The following SPHKAP variants were observed in gnomAD, a reference collection of about 807,000 sequenced individuals.
SPHKAP encodes SPHK1 interactor, AKAP domain containing.
In SPHKAP, 67 loss-of-function variants were observed where a neutral mutation model predicts 137.5. That is an observed-to-expected ratio of 0.49 (90% CI 0.40 to 0.60). The LOEUF (loss-of-function observed/expected upper bound fraction) is 0.60. SPHKAP is among the 20% of genes least tolerant of loss of function. The pLI, the probability that SPHKAP is intolerant of heterozygous loss-of-function variation, is 0.00. For missense variants in SPHKAP, 2,097 were observed against 2,069.3 expected (o/e 1.01, Z -0.26); for synonymous variants, 813 against 785.3 (o/e 1.04, Z -0.59).
chr2:228,159,519 A>C (rs1700212194), intron 1 of SPHKAP, among the ~76,000 whole-genome samples: 1 of 152,170 alleles, frequency 6.6e-6, no homozygotes, highest in Non-Finnish European at 1.5e-5. Flanking sequence ...GCATGTTTGC[A>C]TTTCAAGGAG....
intron 7 of SPHKAP, among the ~76,000 whole-genome samples, chr2:228,006,953 C>A (rs2396521): frequency 6.6e-6 from 1 of 152,026 alleles, no homozygotes; most frequent in Non-Finnish European, 1.5e-5. Flanking sequence ...TCCCCTACTG[C>A]GGGATGCCTC....
chr2:228,016,698 A>G lies in SPHKAP; in HGVS notation c.4156T>C (p.Ser1386Pro). 4 of 1,614,104 alleles carry G rather than the reference A, an allele frequency of 2.5e-6. No individual in the cohort carries two copies. The highest frequency in any genetic ancestry group is 3.4e-6 in the Non-Finnish European group (4 of 1,180,026). The part of the protein sequence containing the change: ...VTECKQPPVS[S>P]LSKTASLTNH... ...GTAAGAGAAGCAGTTTTGCTCAAAGATGACACTGGGGGCTGTTTACATTCG... is the reference window on the plus strand; with the variant it reads ...GTAAGAGAAGCAGTTTTGCTCAAAGGTGACACTGGGGGCTGTTTACATTCG... The change falls in exon 7 of 12, where the codon TCT becomes CCT. Residue 1386 changes from serine (S) to proline (P), a missense_variant. Coordinates refer to ENST00000392056, the MANE Select transcript of SPHKAP (RefSeq NM_001142644.2).
At position 228,003,049 on chromosome 2, in the gene SPHKAP, G is replaced by A. The variant is rs1350781270; in HGVS notation, c.4449-7355C>T. Among the ~76,000 whole-genome samples the A allele has an allele frequency of 5.3e-5, 8 of 152,104 alleles. No homozygotes were observed. In the East Asian group the frequency reaches 5.8e-4, roughly 11 times the overall value. On this transcript the variant is annotated intron_variant, in intron 7 of 11. Coordinates refer to ENST00000392056, the MANE Select transcript of SPHKAP (RefSeq NM_001142644.2). Reference sequence around the variant, plus strand: ...TGGCTTAGGATTGACTTGGCAATGCGGGCTCTTTTTTGGTTCCATGTGAAC... The same window carrying A: ...TGGCTTAGGATTGACTTGGCAATGCAGGCTCTTTTTTGGTTCCATGTGAAC...
rs188759977 is a variant in SPHKAP at position 228,005,508 on chromosome 2, G to T, written c.4449-9814C>A. ...TGGGTCTTGACTCTTTATCCAATTT[G>T]CCAGTCTGTGTCTTTTAATTGGAGC... On this transcript the variant is annotated intron_variant, in intron 7 of 11. Transcript: ENST00000392056. 9.4e-3 allele frequency among the ~76,000 whole-genome samples: 1,424 copies of T among 152,196 alleles called. 49 individuals are homozygous for T. Among genetic ancestry groups the T allele is most frequent in the Admixed American group, 0.06 (913 of 15,288 alleles).
chr2:228,028,685 G>T lies in SPHKAP; in HGVS notation c.247-1142C>A, dbSNP rs546529978. ...CATGCTGTACAGGTTTATAGCCTAG[G>T]AGTAATAGGTTATACCATATAACCT... On this transcript the variant is annotated intron_variant, in intron 3 of 11. Coordinates refer to ENST00000392056, the MANE Select transcript of SPHKAP (RefSeq NM_001142644.2). Among the ~76,000 whole-genome samples, 5 of 152,286 alleles carry T rather than the reference G, an allele frequency of 3.3e-5. No homozygotes were observed. In the South Asian group the frequency reaches 1.0e-3, roughly 32 times the overall value.
At chr2:228,137,067 C>T (rs1398955385) in intron 1 of SPHKAP, among the ~76,000 whole-genome samples, 5 of 152,128 alleles carry the variant, frequency 3.3e-5, no homozygotes, top group Admixed American at 6.5e-5. Flanking sequence ...GCTCCTGCCT[C>T]GTTCCCACCC....
rs1697759232 is a variant in SPHKAP at position 228,092,091 on chromosome 2, GTGTATATA to G, written c.246+16733_246+16740del. On this transcript the variant is annotated intron_variant, in intron 3 of 11. Coordinates refer to ENST00000392056, the MANE Select transcript of SPHKAP (RefSeq NM_001142644.2). ...TATGTCTATATATGTATATATATGTGTGTATATATGTATATATACACATATATACATAT... is the reference window on the plus strand; with the variant it reads ...TATGTCTATATATGTATATATATGTGTGTATATATACACATATATACATAT... Among the ~76,000 whole-genome samples, 4 of 143,506 alleles carry G rather than the reference GTGTATATA, an allele frequency of 2.8e-5. 1 individual carries two copies. The South Asian group carries it at 8.8e-4, about 31-fold the overall frequency. 94.1% of individuals were successfully genotyped at this position (143,506 alleles called of 152,430 possible). A position where few individuals can be genotyped will look rare whatever the true frequency, so the allele number is the denominator to read the frequency against.
chr2:227,997,494 G>A (rs1471399543), intron 7 of SPHKAP, among the ~76,000 whole-genome samples: 1 of 152,174 alleles, frequency 6.6e-6, no homozygotes, highest in Non-Finnish European at 1.5e-5. Flanking sequence ...AATGCATTTA[G>A]CTTAGTGCCT....
At chr2:227,985,558 T>C (rs771451374) in intron 11 of SPHKAP, among the ~76,000 whole-genome samples, 2 of 152,172 alleles carry the variant, frequency 1.3e-5, no homozygotes, top group Non-Finnish European at 2.9e-5. Flanking sequence ...TTCCGCTGCA[T>C]TGAAAAATAA....
intron 3 of SPHKAP, among the ~76,000 whole-genome samples, chr2:228,106,523 C>T (rs777926106): frequency 1.1e-4 from 16 of 152,180 alleles, no homozygotes; most frequent in Non-Finnish European, 1.9e-4. Flanking sequence ...TAAAATTAAA[C>T]TTTAATGAGA....
intron 3 of SPHKAP, among the ~76,000 whole-genome samples, chr2:228,089,234 T>A (rs1404690174): frequency 6.6e-6 from 1 of 152,236 alleles, no homozygotes; most frequent in Non-Finnish European, 1.5e-5. Flanking sequence ...ACACTTGTTA[T>A]GCCCTAGCAA....
intron 3 of SPHKAP, among the ~76,000 whole-genome samples, chr2:228,079,792 C>T (rs1697302634): frequency 2.0e-5 from 3 of 152,186 alleles, no homozygotes; most frequent in African/African-American, 7.2e-5. Context: ...AGGTTCACCC[C>T]AGTGGATCCT....
In SPHKAP at chr2:228,181,133, G is replaced by T. The variant is rs1345951293; in HGVS notation, c.32+434C>A. Reference sequence around the variant, plus strand: ...CCCAGCAGCCCCAGACACCCGCCCAGGTCAAGGTGGAAGGAAAGCGGGGGT... The same window carrying T: ...CCCAGCAGCCCCAGACACCCGCCCATGTCAAGGTGGAAGGAAAGCGGGGGT... On this transcript the variant is annotated intron_variant, in intron 1 of 11. Coordinates refer to ENST00000392056, the MANE Select transcript of SPHKAP (RefSeq NM_001142644.2). This position sits in a 1 kb window ranked among gnomAD's most constrained non-coding sequence, Gnocchi z 4.3. Among the ~76,000 whole-genome samples the T allele has an allele frequency of 6.6e-6, 1 of 152,156 alleles. No homozygotes were observed. Among genetic ancestry groups the T allele is most frequent in the East Asian group, 1.9e-4 (1 of 5,152 alleles).
chr2:228,163,933 G>C (rs1285098876), intron 1 of SPHKAP, among the ~76,000 whole-genome samples: 1 of 152,152 alleles, frequency 6.6e-6, no homozygotes, highest in Admixed American at 6.6e-5. Context: ...ATGCCTTGAT[G>C]GCTGGTAGAG....
At chr2:228,002,242 AC>A (rs751570347) in intron 7 of SPHKAP, among the ~76,000 whole-genome samples, 3 of 152,080 alleles carry the variant, frequency 2.0e-5, no homozygotes, top group Admixed American at 6.6e-5. Flanking sequence ...TTGTTTCCTG[AC>A]TTTTTAATGA....
intron 1 of SPHKAP, among the ~76,000 whole-genome samples, 184 bp from the exon 2 acceptor site, chr2:228,132,269 C>T (rs1489771202): frequency 6.6e-6 from 1 of 152,184 alleles, no homozygotes; most frequent in Admixed American, 6.5e-5. Flanking sequence ...ATTGGCAGAA[C>T]CACTACAGAC....
chr2:227,983,109 A>AT (rs1370299852), intron 11 of SPHKAP, among the ~76,000 whole-genome samples: 2 of 152,136 alleles, frequency 1.3e-5, no homozygotes, highest in Non-Finnish European at 1.5e-5. Context: ...ATTTTTTAAA[A>AT]TTAATTAATT....
At chr2:228,136,809 G>C (rs1019202432) in intron 1 of SPHKAP, among the ~76,000 whole-genome samples, 1 of 152,140 alleles carries the variant, frequency 6.6e-6, no homozygotes, top group Non-Finnish European at 1.5e-5. Flanking sequence ...GAGAAAAATA[G>C]ATCAGAGTAA....
chr2:227,987,784 GC>G (rs1258196624), intron 11 of SPHKAP, among the ~76,000 whole-genome samples: 1 of 152,122 alleles, frequency 6.6e-6, no homozygotes, highest in Non-Finnish European at 1.5e-5. Flanking sequence ...CTGTTCCCTA[GC>G]ACATACCTCC....
Sources: gnomAD v4.1 joint callset for allele counts (sites outside exome capture counted in the v4.1 genomes callset) on GRCh38, gnomAD v4.1.1 for gene constraint, Gnocchi (gnomAD v3.1) non-coding constraint, MANE v1.5 for transcripts, NCBI Gene and HGNC (gene_info 2026-07-23, HGNC 2026-07-21) for gene names.